OR1J1: variants seen among roughly 807,000 people sequenced by gnomAD.
OR1J1 encodes the protein olfactory receptor 1J1.
For missense variants in OR1J1, 392 were observed against 393.9 expected (o/e 1.00, Z 0.04); for synonymous variants, 165 against 157.2 (o/e 1.05, Z -0.37).
In OR1J1 at chr9:122,477,405, G is replaced by T; in HGVS notation, c.522C>A (p.Ile174=). The T allele has an allele frequency of 1.2e-6, 2 of 1,614,068 alleles. No individual in the cohort carries two copies. The highest frequency in any genetic ancestry group is 1.3e-5 in the African/African-American group (1 of 75,048). ...AQLSFCADHI[I]PHYFCDLGAL... ...CACCAAGGTCACAGAAGTAGTGAGG[G>T]ATGATGTGGTCAGCACAGAAGGAAA... Residue 174 remains isoleucine, a synonymous_variant, in exon 1 of 1, where the codon ATC becomes ATA. Transcript: ENST00000259357.
Position 122,477,832 on chromosome 9 carries a change from A to G in OR1J1, c.95T>C (p.Leu32Pro). ...CAGCACCGTGGTCAGGTACATGCCC[A>G]GGAACAGGGCGAAGAACACGGCCTG... The part of the protein sequence containing the change: ...EQQAVFFALF[L>P]GMYLTTVLGN... Residue 32 changes from leucine to proline, a missense_variant, in exon 1 of 1, where the codon CTG becomes CCG. Transcript: ENST00000259357. 6.2e-7 allele frequency: 1 copy of G among 1,614,062 alleles called. No homozygotes were observed. Among genetic ancestry groups the G allele is most frequent in the African/African-American group, 1.3e-5 (1 of 75,040 alleles).
rs2119322535 is a variant in OR1J1, at chr9:122,477,878, G to A, written c.49C>T (p.Leu17Phe). Residue 17 changes from leucine to phenylalanine, a missense_variant, in exon 1 of 1, where the codon CTC becomes TTC. Coordinates refer to ENST00000259357, the MANE Select transcript of OR1J1 (RefSeq NM_001004451.1). ...GCCTGCTGCTCTGGCCGGATGGGGA[G>A]GCCCAGGAGGAGGAACTCGGACACG... ...SSVSEFLLLGLPIRPEQQAVF... is the reference protein window; with the variant it reads ...SSVSEFLLLGFPIRPEQQAVF... The A allele has an allele frequency of 3.1e-6, 5 of 1,612,100 alleles. No homozygotes were observed. The highest frequency in any genetic ancestry group is 4.5e-5 in the East Asian group (2 of 44,804).
rs1839590094 is a variant in OR1J1 at position 122,477,715 on chromosome 9, A to T, written c.212T>A (p.Ile71Asn). Residue 71 changes from isoleucine to asparagine, a missense_variant, in exon 1 of 1, where the codon ATC becomes AAC. Coordinates refer to ENST00000259357, the MANE Select transcript of OR1J1 (RefSeq NM_001004451.1). ...FFLSHLALTDISFSSVTVPKM... is the reference protein window; with the variant it reads ...FFLSHLALTDNSFSSVTVPKM... ...AGGGACAGTGACAGATGAAAAGGAG[A>T]TGTCAGTGAGGGCCAAGTGGCTAAG... 3 of 1,613,960 alleles carry T rather than the reference A, an allele frequency of 1.9e-6. No homozygotes were observed. Among genetic ancestry groups the T allele is most frequent in the South Asian group, 2.2e-5 (2 of 91,076 alleles).
chr9:122,477,490 G>A lies in OR1J1; in HGVS notation c.437C>T (p.Ala146Val). The A allele has an allele frequency of 6.2e-7, 1 of 1,614,110 alleles. No individual in the cohort carries two copies. The change falls in exon 1 of 1, where the codon GCT becomes GTT. Residue 146 changes from alanine to valine, a missense_variant. Physicochemically the swap from Ala to Val is moderately conservative, Grantham distance 64 (BLOSUM62 0). Transcript: ENST00000259357. The part of the protein sequence containing the change: ...MTQSQCVMLV[A>V]GSWVIACACA... ...CGCACAAGCGATGACCCAGGACCCA[G>A]CCACCAGCATGACACACTGGCTCTG...
rs1839586845 is a variant in OR1J1 at position 122,477,615 on chromosome 9, G to GA, written c.311dup (p.Ile105HisfsTer5). On this transcript the variant is annotated frameshift_variant, in exon 1 of 1. Coordinates refer to ENST00000259357, the MANE Select transcript of OR1J1 (RefSeq NM_001004451.1). LOFTEE classifies it low-confidence loss of function (END_TRUNC). ...AACTGTCTAAGTCAGCAAAAAATAT[G>GA]AAAAAATATGTCTGTGAAATGCATC... The GA allele has an allele frequency of 1.9e-6, 3 of 1,614,164 alleles. No individual in the cohort carries two copies. The highest frequency in any genetic ancestry group is 2.5e-6 in the Non-Finnish European group (3 of 1,180,016).
In OR1J1 at chr9:122,476,993, C is replaced by G. The variant is rs751802876; in HGVS notation, c.934G>C (p.Ala312Pro). 2 of 1,581,398 alleles carry G rather than the reference C, an allele frequency of 1.3e-6. No homozygotes were observed. Residue 312 changes from alanine to proline, a missense_variant, in exon 1 of 1, where the codon GCT (alanine) becomes CCT (proline). Coordinates refer to ENST00000259357, the MANE Select transcript of OR1J1 (RefSeq NM_001004451.1). ...RKLLSRSGAV[A>P]HACNLNTLGG ...AAAGTGTTGAGATTACAGGCATGAG[C>G]CACTGCGCCTGACCTACTCAAGAGT...
Position 122,477,783 on chromosome 9 carries a change from G to A in OR1J1, c.144C>T (p.Leu48=). The change falls in exon 1 of 1, where the codon CTC becomes CTT. Residue 48 remains leucine (L), a synonymous_variant. Transcript: ENST00000259357. ...TGTGAAGGTGAGAGTCTAGCTGGAT[G>A]AGCAGCATGATGAGCAGGTTCCCCA... ...TVLGNLLIML[L]IQLDSHLHTP... The A allele has an allele frequency of 6.2e-7, 1 of 1,613,992 alleles. No individual in the cohort carries two copies. Among genetic ancestry groups the A allele is most frequent in the Non-Finnish European group, 8.5e-7 (1 of 1,180,024 alleles).
Position 122,477,586 on chromosome 9 carries a change from A to T in OR1J1, c.341T>A (p.Leu114His), listed in dbSNP as rs749538629. ...FIFFADLDSFLITSMAYDRYV... is the reference protein window; with the variant it reads ...FIFFADLDSFHITSMAYDRYV... ...CCTGTCATATGCCATTGAAGTGATAAGGAAACTGTCTAAGTCAGCAAAAAA... is the reference window on the plus strand; with the variant it reads ...CCTGTCATATGCCATTGAAGTGATATGGAAACTGTCTAAGTCAGCAAAAAA... Residue 114 changes from leucine (L) to histidine (H), a missense_variant, in exon 1 of 1, where the codon CTT becomes CAT. Leu to His is a moderately conservative substitution (Grantham distance 99). Transcript: ENST00000259357. 2.5e-6 allele frequency: 4 copies of T among 1,614,236 alleles called. No individual in the cohort carries two copies. The highest frequency in any genetic ancestry group is 2.2e-5 in the South Asian group (2 of 91,086).
At position 122,477,192 on chromosome 9, in the gene OR1J1, G is replaced by C. The variant is rs758150232; in HGVS notation, c.735C>G (p.Leu245=). 3.1e-6 allele frequency: 5 copies of C among 1,614,208 alleles called. No individual in the cohort carries two copies. The highest frequency in any genetic ancestry group is 2.5e-6 in the Non-Finnish European group (3 of 1,180,006). ...CKALSTCGSH[L]SVVTIYYRTI... ...TCCGATAATAGATAGTCACCACTGA[G>C]AGGTGGGATCCACAAGTGGACAAGG... The change falls in exon 1 of 1, where the codon CTC becomes CTG. Residue 245 remains leucine (L), a synonymous_variant. Coordinates refer to ENST00000259357, the MANE Select transcript of OR1J1 (RefSeq NM_001004451.1).
At position 122,477,694 on chromosome 9, in the gene OR1J1, A is replaced by G. The variant is rs1180605845; in HGVS notation, c.233T>C (p.Val78Ala). 6.2e-7 allele frequency: 1 copy of G among 1,614,064 alleles called. No homozygotes were observed. Among genetic ancestry groups the G allele is most frequent in the African/African-American group, 1.3e-5 (1 of 74,938 alleles). Residue 78 changes from valine to alanine, a missense_variant, in exon 1 of 1, where the codon GTC (valine) becomes GCC (alanine). Physicochemically the swap from Val to Ala is moderately conservative, Grantham distance 64. Transcript: ENST00000259357. ...LTDISFSSVT[V>A]PKMLMNMQTQ... ...CTGCATGTTCATCAGCATCTTAGGG[A>G]CAGTGACAGATGAAAAGGAGATGTC...
At position 122,477,242 on chromosome 9, in the gene OR1J1, G is replaced by C; in HGVS notation, c.685C>G (p.Pro229Ala). Residue 229 changes from proline to alanine, a missense_variant, in exon 1 of 1, where the codon CCC (proline) becomes GCC (alanine). Transcript: ENST00000259357. ...GHIGVTILQI[P>A]STKGICKALS... ...GCTTTGCATATGCCCTTGGTAGAGGGAATCTGGAGGATGGTGACCCCAATG... is the reference window on the plus strand; with the variant it reads ...GCTTTGCATATGCCCTTGGTAGAGGCAATCTGGAGGATGGTGACCCCAATG... 1 of 1,614,098 alleles carries C rather than the reference G, an allele frequency of 6.2e-7. No homozygotes were observed. Among genetic ancestry groups the C allele is most frequent in the South Asian group, 1.1e-5 (1 of 91,074 alleles).
rs538708223 is a variant in OR1J1 at position 122,477,661 on chromosome 9, T to C, written c.266A>G (p.His89Arg). 8.7e-6 allele frequency: 14 copies of C among 1,614,118 alleles called. No individual in the cohort carries two copies. The highest frequency in any genetic ancestry group is 7.7e-5 in the South Asian group (7 of 91,078). The change falls in exon 1 of 1, where the codon CAC (histidine) becomes CGC (arginine). Residue 89 changes from histidine (H) to arginine (R), a missense_variant. His to Arg is a conservative substitution (Grantham distance 29, BLOSUM62 0). Coordinates refer to ENST00000259357, the MANE Select transcript of OR1J1 (RefSeq NM_001004451.1). Reference sequence around the variant, plus strand: ...GCATCCCTTGTAAAAGACGGCTAGGTGCTGAGTCTGCATGTTCATCAGCAT... The same window carrying C: ...GCATCCCTTGTAAAAGACGGCTAGGCGCTGAGTCTGCATGTTCATCAGCAT... ...PKMLMNMQTQ[H>R]LAVFYKGCIS...
rs1471433714 is a variant in OR1J1, at chr9:122,477,457, A to G, written c.470T>C (p.Leu157Pro). ...CTGGGCCAGGAGGAGGGTATGCAAA[A>G]GAGCACACGCACAAGCGATGACCCA... is the stretch of plus-strand genomic sequence containing the variant. ...GSWVIACACA[L>P]LHTLLLAQLS... The change falls in exon 1 of 1, where the codon CTT (leucine) becomes CCT (proline). Residue 157 changes from leucine to proline, a missense_variant. By Grantham distance (98) the Leu-to-Pro change is moderately conservative. Transcript: ENST00000259357. 1 of 1,614,004 alleles carries G rather than the reference A, an allele frequency of 6.2e-7. No homozygotes were observed. The highest frequency in any genetic ancestry group is 1.7e-5 in the Admixed American group (1 of 59,998).
chr9:122,477,482 A>G lies in OR1J1; in HGVS notation c.445T>C (p.Trp149Arg). Residue 149 changes from tryptophan (W) to arginine (R), a missense_variant, in exon 1 of 1, where the codon TGG (tryptophan) becomes CGG (arginine). By Grantham distance (101) the Trp-to-Arg change is moderately radical. Coordinates refer to ENST00000259357, the MANE Select transcript of OR1J1 (RefSeq NM_001004451.1). ...SQCVMLVAGS[W>R]VIACACALLH... ...AGAGCACACGCACAAGCGATGACCC[A>G]GGACCCAGCCACCAGCATGACACAC... The G allele has an allele frequency of 6.2e-7, 1 of 1,614,138 alleles. No individual in the cohort carries two copies. Among genetic ancestry groups the G allele is most frequent in the South Asian group, 1.1e-5 (1 of 91,080 alleles).
In OR1J1 at chr9:122,477,410, T is replaced by C. The variant is rs1564173610; in HGVS notation, c.517A>G (p.Ile173Val). 1.2e-6 allele frequency: 2 copies of C among 1,614,004 alleles called. No individual in the cohort carries two copies. The highest frequency in any genetic ancestry group is 2.2e-5 in the East Asian group (1 of 44,848). The change falls in exon 1 of 1, where the codon ATC becomes GTC. Residue 173 changes from isoleucine to valine, a missense_variant. Coordinates refer to ENST00000259357, the MANE Select transcript of OR1J1 (RefSeq NM_001004451.1). ...AGGTCACAGAAGTAGTGAGGGATGA[T>C]GTGGTCAGCACAGAAGGAAAGCTGG... ...LAQLSFCADH[I>V]IPHYFCDLGA... is the part of the protein sequence containing the mutation.
chr9:122,477,532 T>G lies in OR1J1; in HGVS notation c.395A>C (p.Tyr132Ser). 6.2e-7 allele frequency: 1 copy of G among 1,614,160 alleles called. No individual in the cohort carries two copies. The highest frequency in any genetic ancestry group is 8.5e-7 in the Non-Finnish European group (1 of 1,180,016). ...RYVAICHPLHYATIMTQSQCV... is the reference protein window; with the variant it reads ...RYVAICHPLHSATIMTQSQCV... ...CTGGCTCTGAGTCATGATGGTGGCA[T>G]AATGTAGAGGATGACAGATGGCCAC... The change falls in exon 1 of 1, where the codon TAT becomes TCT. Residue 132 changes from tyrosine (Y) to serine (S), a missense_variant. Physicochemically the swap from Tyr to Ser is moderately radical, Grantham distance 144. Coordinates refer to ENST00000259357, the MANE Select transcript of OR1J1 (RefSeq NM_001004451.1).
In OR1J1 at chr9:122,477,896, C is replaced by G. The variant is rs147391208; in HGVS notation, c.31G>C (p.Glu11Gln). The G allele has an allele frequency of 8.7e-6, 14 of 1,608,914 alleles. No individual in the cohort carries two copies. Among genetic ancestry groups the G allele is most frequent in the Admixed American group, 1.7e-5 (1 of 59,662 alleles). The change falls in exon 1 of 1, where the codon GAG (glutamate) becomes CAG (glutamine). Residue 11 changes from glutamate (E) to glutamine (Q), a missense_variant. Coordinates refer to ENST00000259357, the MANE Select transcript of OR1J1 (RefSeq NM_001004451.1). MSPENQSSVSEFLLLGLPIRP... is the reference protein window; with the variant it reads MSPENQSSVSQFLLLGLPIRP... ...ATGGGGAGGCCCAGGAGGAGGAACT[C>G]GGACACGCTGCTCTGGTTCTCAGGG...
rs746405555 is a variant in OR1J1, at chr9:122,477,240, G to T, written c.687C>A (p.Pro229=). The change falls in exon 1 of 1, where the codon CCC becomes CCA. Residue 229 remains proline (P), a synonymous_variant. Transcript: ENST00000259357. ...GHIGVTILQI[P]STKGICKALS... is the part of the protein sequence containing the mutation. ...AGGCTTTGCATATGCCCTTGGTAGA[G>T]GGAATCTGGAGGATGGTGACCCCAA... 2.4e-5 allele frequency: 38 copies of T among 1,614,094 alleles called. No homozygotes were observed. Among genetic ancestry groups the T allele is most frequent in the Middle Eastern group, 3.3e-4 (2 of 6,062 alleles).
Position 122,477,454 on chromosome 9 carries a change from A to G in OR1J1, c.473T>C (p.Leu158Ser). The change falls in exon 1 of 1, where the codon TTG (leucine) becomes TCG (serine). Residue 158 changes from leucine (L) to serine (S), a missense_variant. Transcript: ENST00000259357. ...AAGCTGGGCCAGGAGGAGGGTATGC[A>G]AAAGAGCACACGCACAAGCGATGAC... ...SWVIACACALLHTLLLAQLSF... is the reference protein window; with the variant it reads ...SWVIACACALSHTLLLAQLSF... 6.2e-7 allele frequency: 1 copy of G among 1,614,034 alleles called. No homozygotes were observed.
Sources: gnomAD v4.1 joint callset for allele counts on GRCh38, gnomAD v4.1.1 for gene constraint, MANE v1.5 for transcripts, NCBI Gene and HGNC (gene_info 2026-07-23, HGNC 2026-07-21) for gene names.